TRAT1: variants seen among roughly 807,000 people sequenced by gnomAD.
TRAT1 encodes the protein T-cell receptor-associated transmembrane adapter 1.
A neutral mutation model predicts 20.0 loss-of-function variants in TRAT1; 20 were observed. That is an observed-to-expected ratio of 1.00 (90% CI 0.70 to 1.45). The LOEUF is 1.45. Among genes scored for constraint, TRAT1 ranks in the 40% most tolerant of loss-of-function variants. TRAT1 has a pLI of 0.00. For synonymous variants in TRAT1, 77 were observed against 74.2 expected (o/e 1.04, Z -0.20); for missense variants, 237 against 224.1 (o/e 1.06, Z -0.37).
intron 3 of TRAT1, among the ~76,000 whole-genome samples, chr3:108,844,576 G>A (rs1945922982): frequency 6.6e-6 from 1 of 151,622 alleles, no homozygotes; most frequent in African/African-American, 2.4e-5. Flanking sequence ...CAGGCACAGT[G>A]GCTCACGCCT....
intron 1 of TRAT1, among the ~76,000 whole-genome samples, chr3:108,823,628 C>A (rs1945711514): frequency 6.6e-6 from 1 of 152,058 alleles, no homozygotes; most frequent in South Asian, 2.1e-4. Flanking sequence ...TTTTCCATCA[C>A]CTTAAAAACA....
chr3:108,825,222 CA>C (rs1945725787), intron 1 of TRAT1, among the ~76,000 whole-genome samples: 1 of 151,932 alleles, frequency 6.6e-6, no homozygotes, highest in South Asian at 2.1e-4. Flanking sequence ...CGTATGAAAA[CA>C]AAAACCCAAG....
rs1219418663 is a variant in TRAT1, at chr3:108,839,020, A to G, written c.152+53A>G. On this transcript the variant is annotated intron_variant, in intron 3 of 5. Coordinates refer to ENST00000295756, the MANE Select transcript of TRAT1 (RefSeq NM_016388.4). ...GATTCCCAACTAATAAGCAAAAGTAACAATGCTATATTGTTTAAAGATTTG... is the reference window on the plus strand; with the variant it reads ...GATTCCCAACTAATAAGCAAAAGTAGCAATGCTATATTGTTTAAAGATTTG... 5.2e-6 allele frequency: 7 copies of G among 1,337,110 alleles called. No individual in the cohort carries two copies. The East Asian group carries it at 1.6e-4, about 31-fold the overall frequency. The allele number at this position is 1,337,110 out of a possible 1,614,324, so 82.8% of individuals were successfully genotyped here. A position where few individuals can be genotyped will look rare whatever the true frequency, so the allele number is the denominator to read the frequency against.
intron 2 of TRAT1, 28 bp downstream of exon 2, chr3:108,830,808 G>T (rs1359468554): frequency 1.4e-6 from 2 of 1,442,640 alleles, no homozygotes; most frequent in East Asian, 4.5e-5. Flanking sequence ...ATTTCACATG[G>T]TACCTGCTTG....
chr3:108,849,552 A>G (rs1180426016), intron 5 of TRAT1, among the ~76,000 whole-genome samples: 1 of 152,212 alleles, frequency 6.6e-6, no homozygotes, highest in Non-Finnish European at 1.5e-5. Context: ...AGATAATATA[A>G]TATAGAAGGT....
At chr3:108,845,582 C>T (rs899176315) in intron 3 of TRAT1, among the ~76,000 whole-genome samples, 1 of 152,154 alleles carries the variant, frequency 6.6e-6, no homozygotes, top group African/African-American at 2.4e-5. Flanking sequence ...CTTTTCAAGC[C>T]ATTTCATACA....
chr3:108,845,095 T>C (rs1377933111), intron 3 of TRAT1, among the ~76,000 whole-genome samples: 1 of 152,184 alleles, frequency 6.6e-6, no homozygotes, highest in Non-Finnish European at 1.5e-5. Context: ...AAGTAATTAA[T>C]CATCCACATA....
intron 3 of TRAT1, among the ~76,000 whole-genome samples, chr3:108,842,658 C>CGGCA (rs1235936488): frequency 1.3e-5 from 2 of 152,228 alleles, no homozygotes; most frequent in Admixed American, 6.5e-5. Context: ...TTATTCTTGG[C>CGGCA]TGCCCCCTTG....
intron 4 of TRAT1, among the ~76,000 whole-genome samples, chr3:108,848,044 A>G (rs1370821080): frequency 5.9e-5 from 9 of 152,210 alleles, no homozygotes; most frequent in African/African-American, 1.9e-4. Context: ...TTGGAAATAT[A>G]TTATTCAAAA....
At chr3:108,832,147 T>C (rs1576518854) in intron 2 of TRAT1, among the ~76,000 whole-genome samples, 3 of 152,176 alleles carry the variant, frequency 2.0e-5, no homozygotes, top group Admixed American at 6.5e-5. Flanking sequence ...TACTCGAAAA[T>C]GGAGTGGTCT....
intron 2 of TRAT1, 86 bp from the exon 3 acceptor site, chr3:108,838,848 T>C: frequency 9.5e-7 from 1 of 1,053,226 alleles, no homozygotes; most frequent in Non-Finnish European, 1.5e-6. Context: ...ACATTGAGGC[T>C]AAACTCCCCT....
intron 1 of TRAT1, 132 bp from the exon 2 acceptor site, chr3:108,830,534 ATATT>A (rs1331052527): frequency 1.7e-6 from 1 of 590,404 alleles, no homozygotes; most frequent in African/African-American, 1.8e-5. Flanking sequence ...AAAGTTATGA[ATATT>A]AATTAGTTTC....
rs546109677 is a variant in TRAT1, at chr3:108,828,039, T to C, written c.8-2631T>C. On this transcript the variant is annotated intron_variant, in intron 1 of 5. Coordinates refer to ENST00000295756, the MANE Select transcript of TRAT1 (RefSeq NM_016388.4). ...ATTGGAAAGGAGAAAGCAAAACTTC[T>C]ATTTGAAATATAATTTTGTCCAAAT... Among the ~76,000 whole-genome samples the C allele has an allele frequency of 1.2e-4, 18 of 152,182 alleles. 1 individual carries two copies. The highest frequency in any genetic ancestry group is 2.5e-4 in the Non-Finnish European group (17 of 68,030).
chr3:108,844,843 C>CAAAAAAAAAAAAA lies in TRAT1; in HGVS notation c.153-2211_153-2199dup, dbSNP rs71103495. 6.5e-4 allele frequency among the ~76,000 whole-genome samples: 31 copies of CAAAAAAAAAAAAA among 47,840 alleles called. 1 individual carries two copies. Among genetic ancestry groups the CAAAAAAAAAAAAA allele is most frequent in the African/African-American group, 2.5e-3 (29 of 11,694 alleles). The allele number at this position is 47,840 out of a possible 152,430, so 31.4% of individuals were successfully genotyped here. Reference sequence around the variant, plus strand: ...TGGGTGACAGAGAGAGACTCTGTCTCAAAAAAAAAAAAAAAAAAAAAAAAA... The same window carrying CAAAAAAAAAAAAA: ...TGGGTGACAGAGAGAGACTCTGTCTCAAAAAAAAAAAAAAAAAAAAAAAAAAAAAAAAAAAAAA... On this transcript the variant is annotated intron_variant, in intron 3 of 5. Coordinates refer to ENST00000295756, the MANE Select transcript of TRAT1 (RefSeq NM_016388.4).
rs188053141 is a variant in TRAT1, at chr3:108,845,042, A to G, written c.153-2026A>G. Among the ~76,000 whole-genome samples the G allele has an allele frequency of 2.4e-3, 369 of 152,242 alleles. 2 individuals are homozygous for G. The highest frequency in any genetic ancestry group is 8.5e-3 in the African/African-American group (354 of 41,548). On this transcript the variant is annotated intron_variant, in intron 3 of 5. Transcript: ENST00000295756. ...GGTCTGGCTGAAAACTCAGAGGTAC[A>G]CTAGCCTCTCAGATATGAGTTCAAT...
intron 1 of TRAT1, among the ~76,000 whole-genome samples, chr3:108,830,282 C>T (rs1024931482): frequency 1.3e-5 from 2 of 152,100 alleles, no homozygotes; most frequent in Non-Finnish European, 2.9e-5. Flanking sequence ...ATAAGGAAAG[C>T]GTGTATGATT....
intron 1 of TRAT1, among the ~76,000 whole-genome samples, chr3:108,828,542 C>T (rs1945763525): frequency 6.6e-6 from 1 of 152,038 alleles, no homozygotes; most frequent in African/African-American, 2.4e-5. Flanking sequence ...CAAAAATGTA[C>T]CAGTTCTTAA....
At chr3:108,832,141 C>T (rs1415892983) in intron 2 of TRAT1, among the ~76,000 whole-genome samples, 4 of 152,050 alleles carry the variant, frequency 2.6e-5, no homozygotes, top group South Asian at 2.1e-4. Flanking sequence ...GAGAGGTACT[C>T]GAAAATGGAG....
intron 1 of TRAT1, among the ~76,000 whole-genome samples, chr3:108,823,571 G>T (rs1222641594): frequency 6.6e-6 from 1 of 152,116 alleles, no homozygotes; most frequent in Non-Finnish European, 1.5e-5. Context: ...TGCATATTAT[G>T]TAATGTGGGA....
Sources: allele counts gnomAD v4.1 joint callset (sites outside exome capture counted in the v4.1 genomes callset), GRCh38; gene constraint gnomAD v4.1.1; transcripts MANE v1.5; gene names NCBI Gene and HGNC (gene_info 2026-07-23, HGNC 2026-07-21).